The following PPP2R1A variants were observed in gnomAD, a reference collection of about 807,000 sequenced individuals.
PPP2R1A encodes the protein protein phosphatase 2 scaffold subunit Aalpha, also known as serine/threonine-protein phosphatase 2A 65 kDa regulatory subunit A alpha isoform.
In PPP2R1A, 15 loss-of-function variants were observed where a neutral mutation model predicts 67.1. That is an observed-to-expected ratio of 0.22 (90% CI 0.15 to 0.34). The LOEUF (loss-of-function observed/expected upper bound fraction) is 0.34. Ranked by LOEUF, PPP2R1A falls within the 10% of genes least tolerant of loss-of-function variation. PPP2R1A has a pLI of 1.00. For missense variants in PPP2R1A, 369 were observed against 775.0 expected (o/e 0.48, Z 6.22); for synonymous variants, 337 against 325.0 (o/e 1.04, Z -0.40).
At chr19:52,224,143 T>C (rs1042936836) in intron 13 of PPP2R1A, among the ~76,000 whole-genome samples, 7 of 152,168 alleles carry the variant, frequency 4.6e-5, no homozygotes, top group Admixed American at 4.6e-4. Context: ...ACAGGCAGAA[T>C]GAAGGAATCG....
At chr19:52,209,217 G>C (rs1037271272) in intron 3 of PPP2R1A, among the ~76,000 whole-genome samples, 1 of 152,146 alleles carries the variant, frequency 6.6e-6, no homozygotes, top group African/African-American at 2.4e-5. Context: ...ACAGATTGCC[G>C]TAAGTTCCAC....
intron 13 of PPP2R1A, among the ~76,000 whole-genome samples, chr19:52,224,208 G>GA (rs1386561222): frequency 7.2e-5 from 11 of 152,228 alleles, no homozygotes; most frequent in African/African-American, 2.7e-4. Context: ...ACTGTCAACT[G>GA]AAAGTGTGGG....
At chr19:52,205,679 A>G (rs575328630) in intron 2 of PPP2R1A, among the ~76,000 whole-genome samples, 9 of 152,324 alleles carry the variant, frequency 5.9e-5, no homozygotes, top group African/African-American at 2.2e-4. Context: ...GATGGTGAAC[A>G]CCATTTTACA....
intron 1 of PPP2R1A, among the ~76,000 whole-genome samples, chr19:52,198,854 A>C (rs897226332): frequency 3.3e-5 from 5 of 152,252 alleles, no homozygotes; most frequent in Admixed American, 6.5e-5. Flanking sequence ...TACATACCTC[A>C]GAGCAGTTAT....
At chr19:52,194,083 G>T in intron 1 of PPP2R1A, among the ~76,000 whole-genome samples, 1 of 98,132 alleles carries the variant, frequency 1.0e-5, no homozygotes, top group Non-Finnish European at 2.0e-5. Flanking sequence ...GCAAGACCCT[G>T]TCTCCAAAAA....
intron 1 of PPP2R1A, among the ~76,000 whole-genome samples, chr19:52,196,769 C>T (rs1771779438): frequency 1.3e-5 from 2 of 152,114 alleles, no homozygotes; most frequent in South Asian, 2.1e-4. Context: ...TACCATTATG[C>T]GCTGGTTGTA....
rs1979382400 is a variant in PPP2R1A, at chr19:52,228,311, T to C, written c.*2330T>C. 1 of 152,160 alleles carries C rather than the reference T, an allele frequency of 6.6e-6. No individual in the cohort carries two copies. The highest frequency in any genetic ancestry group is 1.5e-5 in the Non-Finnish European group (1 of 68,042). 9.4% of individuals were successfully genotyped at this position (152,160 alleles called of 1,614,324 possible). A position where few individuals can be genotyped will look rare whatever the true frequency, so the allele number is the denominator to read the frequency against. On this transcript the variant is annotated 3_prime_UTR_variant, in exon 15 of 15. Transcript: ENST00000322088. ...GACGAGGGTGAAGGATAGCTTGAGTTATTGAACGCTGGCAGAGTCCTGAGT... is the reference window on the plus strand; with the variant it reads ...GACGAGGGTGAAGGATAGCTTGAGTCATTGAACGCTGGCAGAGTCCTGAGT...
In PPP2R1A at chr19:52,211,466, C is replaced by T. The variant is rs11537695; in HGVS notation, c.477C>T (p.Ser159=). Residue 159 remains serine (S), a synonymous_variant, in exon 4 of 15, where the codon TCC becomes TCT. Transcript: ENST00000322088. This position sits in a 1 kb window ranked among gnomAD's most constrained non-coding sequence, Gnocchi z 5.3. The part of the protein sequence containing the change: ...GLFSVCYPRV[S]SAVKAELRQY... ...TCTCCGTCTGCTACCCCCGAGTGTC[C>T]AGTGCTGTGAAGGCGGAACTTCGAC... The T allele has an allele frequency of 0.036, 58,091 of 1,613,058 alleles. 1,256 individuals are homozygous for T. Among genetic ancestry groups the T allele is most frequent in the African/African-American group, 0.079 (5,915 of 75,054 alleles).
intron 1 of PPP2R1A, among the ~76,000 whole-genome samples, chr19:52,196,809 G>A (rs1253699380): frequency 6.6e-6 from 1 of 152,076 alleles, no homozygotes; most frequent in Admixed American, 6.5e-5. Context: ...TGTCCCCCAG[G>A]TTACCTCAGG....
In PPP2R1A at chr19:52,219,607, G is replaced by A. The variant is rs1978794002; in HGVS notation, c.1129-84G>A. Reference sequence around the variant, plus strand: ...AGTCCCTCGGGAGATGTCCATAAAAGTTGATGCAGCTGAGCTCTTTCCATC... The same window carrying A: ...AGTCCCTCGGGAGATGTCCATAAAAATTGATGCAGCTGAGCTCTTTCCATC... On this transcript the variant is annotated intron_variant, in intron 9 of 14. Transcript: ENST00000322088. The surrounding 1 kb of genome is among the most constrained non-coding windows in gnomAD (Gnocchi z 4.0). 12 of 1,405,954 alleles carry A rather than the reference G, an allele frequency of 8.5e-6. No individual in the cohort carries two copies. The highest frequency in any genetic ancestry group is 8.1e-5 in the South Asian group (6 of 74,216). The allele number at this position is 1,405,954 out of a possible 1,614,324, so 87.1% of individuals were successfully genotyped here.
Position 52,213,237 on chromosome 19 carries a change from T to G in PPP2R1A, c.807+127T>G. The G allele has an allele frequency of 7.7e-5, 91 of 1,175,914 alleles. No homozygotes were observed. Among genetic ancestry groups the G allele is most frequent in the Non-Finnish European group, 9.2e-5 (81 of 880,658 alleles). The allele number at this position is 1,175,914 out of a possible 1,614,324, so 72.8% of individuals were successfully genotyped here. ...TTGGGCGTTTGAGCAATAAGATCTC[T>G]ATGATCATCTAACTGCGTCTCGCTT... On this transcript the variant is annotated intron_variant, in intron 6 of 14. Coordinates refer to ENST00000322088, the MANE Select transcript of PPP2R1A (RefSeq NM_014225.6). The surrounding 1 kb of genome is among the most constrained non-coding windows in gnomAD (Gnocchi z 4.2).
At position 52,226,035 on chromosome 19, in the gene PPP2R1A, A is replaced by C; in HGVS notation, c.*54A>C. The C allele has an allele frequency of 6.2e-7, 1 of 1,613,190 alleles. No homozygotes were observed. The highest frequency in any genetic ancestry group is 8.5e-7 in the Non-Finnish European group (1 of 1,179,150). On this transcript the variant is annotated 3_prime_UTR_variant, in exon 15 of 15. Coordinates refer to ENST00000322088, the MANE Select transcript of PPP2R1A (RefSeq NM_014225.6). ...TGGTGTCCACCCTCCAACCCCCACAAGTCCCTCTTTGGGGAGACACTGGGG... is the reference window on the plus strand; with the variant it reads ...TGGTGTCCACCCTCCAACCCCCACACGTCCCTCTTTGGGGAGACACTGGGG...
rs2089679778 is a variant in PPP2R1A at position 52,212,527 on chromosome 19, C to T, written c.504-159C>T. ...CGGACCTGTGGGGTAGGTACTGTTA[C>T]TATCAGCTCCGTTTCATAGGGCTGG... is the stretch of plus-strand genomic sequence containing the variant. On this transcript the variant is annotated intron_variant, in intron 4 of 14. Transcript: ENST00000322088. This position sits in a 1 kb window ranked among gnomAD's most constrained non-coding sequence, Gnocchi z 4.1. 6.1e-6 allele frequency: 5 copies of T among 813,654 alleles called. No homozygotes were observed. The highest frequency in any genetic ancestry group is 5.6e-5 in the Admixed American group (2 of 35,906). 50.4% of individuals were successfully genotyped at this position (813,654 alleles called of 1,614,324 possible). A position where few individuals can be genotyped will look rare whatever the true frequency, so the allele number is the denominator to read the frequency against.
At chr19:52,220,742 A>T (rs182817072) in intron 11 of PPP2R1A, among the ~76,000 whole-genome samples, 1 of 152,310 alleles carries the variant, frequency 6.6e-6, no homozygotes, top group Admixed American at 6.5e-5. Flanking sequence ...TAGTTTGCCC[A>T]TCTGTAAAAT....
chr19:52,221,557 T>A (rs1427792577), intron 12 of PPP2R1A, among the ~76,000 whole-genome samples: 1 of 152,266 alleles, frequency 6.6e-6, no homozygotes. Flanking sequence ...GATGCTTTGG[T>A]CTTCTCATTT....
chr19:52,215,306 C>T (rs1292858962), intron 6 of PPP2R1A, among the ~76,000 whole-genome samples: 2 of 152,190 alleles, frequency 1.3e-5, no homozygotes, highest in African/African-American at 4.8e-5. Flanking sequence ...GATCTGTCCA[C>T]CTCAGCTTCC....
intron 2 of PPP2R1A, among the ~76,000 whole-genome samples, chr19:52,203,664 G>C (rs1333877179): frequency 1.3e-5 from 2 of 152,090 alleles, no homozygotes; most frequent in Non-Finnish European, 2.9e-5. Flanking sequence ...ACTAAGCAGT[G>C]GACAGCAGCT....
rs1978556376 is a variant in PPP2R1A, at chr19:52,216,166, A to T, written c.993+92A>T. ...AGGCTTTGGGGATAGTCAGCTGCAA[A>T]CTAGGTTCCCAGCCCTCTGGGACCA... is the stretch of plus-strand genomic sequence containing the variant. On this transcript the variant is annotated intron_variant, in intron 8 of 14. Transcript: ENST00000322088. The surrounding 1 kb of genome is among the most constrained non-coding windows in gnomAD (Gnocchi z 4.3). The T allele has an allele frequency of 7.0e-7, 1 of 1,421,928 alleles. No individual in the cohort carries two copies. The highest frequency in any genetic ancestry group is 9.8e-7 in the Non-Finnish European group (1 of 1,017,218). The allele number at this position is 1,421,928 out of a possible 1,614,324, so 88.1% of individuals were successfully genotyped here.
Position 52,211,664 on chromosome 19 carries a change from G to A in PPP2R1A, c.503+172G>A, listed in dbSNP as rs41275800. Reference sequence around the variant, plus strand: ...TCCTCGAGAGTTGGTCTCTGGACACGGCCACGTGTCAGTTTACCCACCTCT... The same window carrying A: ...TCCTCGAGAGTTGGTCTCTGGACACAGCCACGTGTCAGTTTACCCACCTCT... On this transcript the variant is annotated intron_variant, in intron 4 of 14. Transcript: ENST00000322088. The surrounding 1 kb of genome is among the most constrained non-coding windows in gnomAD (Gnocchi z 5.3). 0.05 allele frequency: 33,768 copies of A among 670,680 alleles called. 995 individuals carry two copies. The highest frequency in any genetic ancestry group is 0.06 in the Non-Finnish European group (24,092 of 401,588). The allele number at this position is 670,680 out of a possible 1,614,324, so 41.5% of individuals were successfully genotyped here.
Sources: allele counts gnomAD v4.1 joint callset (sites outside exome capture counted in the v4.1 genomes callset), GRCh38; gene constraint gnomAD v4.1.1; non-coding constraint Gnocchi (gnomAD v3.1); transcripts MANE v1.5; gene names NCBI Gene and HGNC (gene_info 2026-07-23, HGNC 2026-07-21).